The following MAD1L1 variants were observed in gnomAD, a reference collection of about 807,000 sequenced individuals.
MAD1L1 encodes the protein mitotic spindle assembly checkpoint protein MAD1.
MAD1L1 carries 95 observed loss-of-function variants against 96.9 expected under a neutral mutation model. The observed-to-expected ratio is 0.98, with a 90% CI of 0.83 to 1.16. The LOEUF is 1.16. MAD1L1 is among the 50% of genes most tolerant of loss of function. The probability of loss-of-function intolerance (pLI) is 0.00; values close to 1 mark genes in which losing one functional copy is unlikely to be tolerated. For synonymous variants in MAD1L1, 473 were observed against 396.6 expected, an observed-to-expected ratio of 1.19 and a Z score of -2.29; for missense variants, 1,007 against 954.4, an observed-to-expected ratio of 1.06 and a Z score of -0.73.
At chr7:2,094,962 A>G (rs532414484) in intron 11 of MAD1L1, among the ~76,000 whole-genome samples, 6 of 152,330 alleles carry the variant, frequency 3.9e-5, no homozygotes, top group Admixed American at 2.0e-4. Context: ...TATACACACT[A>G]CATACACTAC....
intron 11 of MAD1L1, among the ~76,000 whole-genome samples, chr7:2,125,329 A>G (rs1788181678): frequency 6.6e-6 from 1 of 151,982 alleles, no homozygotes; most frequent in African/African-American, 2.4e-5. Context: ...CCAGGTGGGG[A>G]CAAAGAGGAC....
Position 2,097,405 on chromosome 7 carries a change from G to A in MAD1L1, c.1074-28067C>T, listed in dbSNP as rs114790362. Among the ~76,000 whole-genome samples, 560 of 152,308 alleles carry A rather than the reference G, an allele frequency of 3.7e-3. 5 individuals carry two copies. Among genetic ancestry groups the A allele is most frequent in the African/African-American group, 0.013 (521 of 41,570 alleles). ...AGGCAGCGAGGACGTGGGGGCCAGA[G>A]CCGGGACACCTGGGGAGGGGGTCTC... is the stretch of plus-strand genomic sequence containing the variant. On this transcript the variant is annotated intron_variant, in intron 11 of 18. Coordinates refer to ENST00000265854, the MANE Select transcript of MAD1L1 (RefSeq NM_001013836.2).
chr7:2,185,268 C>T (rs1183709464), intron 10 of MAD1L1, among the ~76,000 whole-genome samples: 1 of 151,414 alleles, frequency 6.6e-6, no homozygotes, highest in Non-Finnish European at 1.5e-5. Context: ...AAACACAGTA[C>T]AATTCCATTT....
At chr7:2,082,304 G>A (rs1353555510) in intron 11 of MAD1L1, among the ~76,000 whole-genome samples, 1 of 152,032 alleles carries the variant, frequency 6.6e-6, no homozygotes, top group Non-Finnish European at 1.5e-5. Context: ...GGGACCATGG[G>A]GCCGTGTGTG....
intron 15 of MAD1L1, among the ~76,000 whole-genome samples, chr7:1,975,668 G>T (rs1481953869): frequency 2.0e-5 from 3 of 152,198 alleles, no homozygotes; most frequent in African/African-American, 7.2e-5. Flanking sequence ...TGGCCCTCTG[G>T]AAAGGACGTG....
chr7:2,124,154 G>A (rs992681999), intron 11 of MAD1L1, among the ~76,000 whole-genome samples: 5 of 152,194 alleles, frequency 3.3e-5, no homozygotes, highest in Non-Finnish European at 5.9e-5. Flanking sequence ...GCCACGCCAC[G>A]CCCCTGCTCA....
intron 10 of MAD1L1, among the ~76,000 whole-genome samples, chr7:2,196,382 C>T (rs1791985442): frequency 6.6e-6 from 1 of 152,238 alleles, no homozygotes; most frequent in Non-Finnish European, 1.5e-5. Context: ...AAACGTCTGG[C>T]CTTCATTCCC....
At chr7:1,896,531 A>T (rs1786881487) in intron 18 of MAD1L1, among the ~76,000 whole-genome samples, 1 of 152,226 alleles carries the variant, frequency 6.6e-6, no homozygotes, top group Non-Finnish European at 1.5e-5. Flanking sequence ...GAGCACACAC[A>T]ATGGAACCCC....
At chr7:2,231,285 G>GTCTC (rs1327295756) in intron 1 of MAD1L1, among the ~76,000 whole-genome samples, 2 of 151,260 alleles carry the variant, frequency 1.3e-5, no homozygotes, top group Non-Finnish European at 2.9e-5. Context: ...GTAACGGGGT[G>GTCTC]AGACAGTGTC....
At chr7:2,111,663 C>T (rs962431430) in intron 11 of MAD1L1, among the ~76,000 whole-genome samples, 3 of 152,230 alleles carry the variant, frequency 2.0e-5, no homozygotes, top group African/African-American at 7.2e-5. Flanking sequence ...AACTGTCTGA[C>T]GCCAGGTTGG....
At chr7:2,043,948 C>T (rs1202775680) in intron 12 of MAD1L1, among the ~76,000 whole-genome samples, 1 of 152,176 alleles carries the variant, frequency 6.6e-6, no homozygotes, top group African/African-American at 2.4e-5. Context: ...CGGGCTCGGA[C>T]GTGACTCAAG....
chr7:2,030,678 A>G (rs984119425), intron 12 of MAD1L1, among the ~76,000 whole-genome samples: 2 of 152,244 alleles, frequency 1.3e-5, no homozygotes, highest in African/African-American at 4.8e-5. Context: ...ACTGAGAATG[A>G]GGAGAAACGG....
chr7:1,865,387 G>C (rs974568034), intron 18 of MAD1L1, among the ~76,000 whole-genome samples: 2 of 152,236 alleles, frequency 1.3e-5, no homozygotes, highest in African/African-American at 4.8e-5. Context: ...CAGCCCCGGG[G>C]CATCCCAGCC....
chr7:1,873,976 G>A (rs936021783), intron 18 of MAD1L1, among the ~76,000 whole-genome samples: 1 of 151,582 alleles, frequency 6.6e-6, no homozygotes, highest in Non-Finnish European at 1.5e-5. Context: ...AGCACCCCAC[G>A]CCAGGGTCAG....
rs371637008 is a variant in MAD1L1 at position 2,230,069 on chromosome 7, G to A, written c.65C>T (p.Ser22Phe). 2 of 1,613,000 alleles carry A rather than the reference G, an allele frequency of 1.2e-6. No homozygotes were observed. Among genetic ancestry groups the A allele is most frequent in the Non-Finnish European group, 1.7e-6 (2 of 1,179,610 alleles). ...STLRSLNNFISQRVEGGSGLD... is the reference protein window; with the variant it reads ...STLRSLNNFIFQRVEGGSGLD... ...TCCAGAGCCTCCCTCCACACGCTGA[G>A]AGATGAAGTTGTTCAAAGATCTCAG... The change falls in exon 3 of 19, where the codon TCT becomes TTT. Residue 22 changes from serine to phenylalanine, a missense_variant. Coordinates refer to ENST00000265854, the MANE Select transcript of MAD1L1 (RefSeq NM_001013836.2).
At chr7:2,032,902 A>C (rs552492655) in intron 12 of MAD1L1, among the ~76,000 whole-genome samples, 31 of 152,340 alleles carry the variant, frequency 2.0e-4, no homozygotes, top group African/African-American at 7.2e-4. Flanking sequence ...CACTCTGCAC[A>C]CAGGGAGAGT....
At chr7:2,051,676 A>C in intron 12 of MAD1L1, among the ~76,000 whole-genome samples, 1 of 75,704 alleles carries the variant, frequency 1.3e-5, no homozygotes, top group Non-Finnish European at 2.4e-5. Flanking sequence ...CTGCCGGGTC[A>C]CCTCGCTGTC....
intron 17 of MAD1L1, among the ~76,000 whole-genome samples, chr7:1,935,289 G>A (rs1778526208): frequency 6.6e-6 from 1 of 152,262 alleles, no homozygotes; most frequent in Admixed American, 6.5e-5. Context: ...TGGGGGCTCA[G>A]GCCCTCACAG....
At chr7:1,980,828 G>A in intron 14 of MAD1L1, 1 of 543,492 alleles carries the variant, frequency 1.8e-6, no homozygotes, top group South Asian at 1.6e-5. Flanking sequence ...TCTGGAGAGT[G>A]GACACGCAGC....
Sources: allele counts gnomAD v4.1 joint callset (sites outside exome capture counted in the v4.1 genomes callset), GRCh38; gene constraint gnomAD v4.1.1; transcripts MANE v1.5; gene names NCBI Gene and HGNC (gene_info 2026-07-23, HGNC 2026-07-21).